ADCY4: variants seen among roughly 807,000 people sequenced by gnomAD.
The protein encoded by ADCY4 is adenylate cyclase type 4.
In ADCY4, 111 loss-of-function variants were observed where a neutral mutation model predicts 125.5. The ratio of observed to expected loss-of-function variants is 0.88; its 90% CI spans 0.76 to 1.04. The LOEUF is 1.04. ADCY4 is among the 50% of genes least tolerant of loss of function. ADCY4 has a pLI of 0.00. For missense variants in ADCY4, 1,256 were observed against 1,382.9 expected (o/e 0.91, Z 1.46); for synonymous variants, 576 against 586.9 (o/e 0.98, Z 0.27).
At chr14:24,321,406 C>A (rs146817861) in intron 20 of ADCY4, among the ~76,000 whole-genome samples, 36 of 150,026 alleles carry the variant, frequency 2.4e-4, no homozygotes, top group African/African-American at 8.6e-4. Flanking sequence ...GCCTGAGCGA[C>A]GAGAGTGAAA....
At position 24,325,994 on chromosome 14, in the gene ADCY4, C is replaced by T. The variant is rs374585052; in HGVS notation, c.1655+85G>A. ...GAGGGGGTGGTCAGGCGAGTCTTCC[C>T]TCCAGCCCCTCAGGGAGCACCATCC... On this transcript the variant is annotated intron_variant, in intron 12 of 24. Coordinates refer to ENST00000418030, the MANE Select transcript of ADCY4 (RefSeq NM_001198568.2). 7 of 1,583,314 alleles carry T rather than the reference C, an allele frequency of 4.4e-6. No individual in the cohort carries two copies. In the African/African-American group the frequency reaches 5.5e-5, roughly 12 times the overall value.
At chr14:24,323,121 T>A (rs1217413575) in intron 17 of ADCY4, 33 bp from the exon 18 acceptor site, 1 of 1,608,412 alleles carries the variant, frequency 6.2e-7, no homozygotes, top group East Asian at 2.2e-5. Flanking sequence ...GGAGTGGGCA[T>A]GTCCCATAGG....
intron 20 of ADCY4, among the ~76,000 whole-genome samples, chr14:24,320,870 T>A (rs949121104): frequency 3.9e-5 from 6 of 152,286 alleles, no homozygotes; most frequent in African/African-American, 1.4e-4. Flanking sequence ...AAATTTCATA[T>A]GGCTAATGGC....
chr14:24,325,000 G>A (rs1011147670), intron 14 of ADCY4, among the ~76,000 whole-genome samples: 5 of 152,186 alleles, frequency 3.3e-5, no homozygotes, highest in South Asian at 2.1e-4. Context: ...CATCACACCC[G>A]GCCACCTGGC....
intron 3 of ADCY4, 21 bp downstream of exon 3, chr14:24,332,501 C>G: frequency 6.4e-7 from 1 of 1,554,740 alleles, no homozygotes; most frequent in East Asian, 2.4e-5. Flanking sequence ...TGAGCGCAGC[C>G]TGTGCTACTT....
At position 24,323,556 on chromosome 14, in the gene ADCY4, C is replaced by T. The variant is rs545237134; in HGVS notation, c.2047-102G>A. On this transcript the variant is annotated intron_variant, in intron 16 of 24. Transcript: ENST00000418030. ...CCCAGGGATGAGTCAGGGGAAGACT[C>T]GTCCAAAGGGGTGGATCCTGCTATT... is the stretch of plus-strand genomic sequence containing the variant. 18 of 1,502,196 alleles carry T rather than the reference C, an allele frequency of 1.2e-5. 1 individual carries two copies. The African/African-American group carries it at 1.3e-4, about 10-fold the overall frequency. The allele number at this position is 1,502,196 out of a possible 1,614,324, so 93.1% of individuals were successfully genotyped here. A position where few individuals can be genotyped will look rare whatever the true frequency, so the allele number is the denominator to read the frequency against.
At chr14:24,325,559 T>C in intron 13 of ADCY4, 85 bp from the exon 14 acceptor site, 1 of 1,228,332 alleles carries the variant, frequency 8.1e-7, no homozygotes, top group East Asian at 2.5e-5. Flanking sequence ...AGGGGTGGGC[T>C]CCTCAGCCTC....
In ADCY4 at chr14:24,332,989, C is replaced by G; in HGVS notation, c.160-1G>C. Reference sequence around the variant, plus strand: ...GGAAGCTCGGGTCTGAGGTCAGCTCCTGTGGGCAGGGGTGTGTGAGGCAAG... The same window carrying G: ...GGAAGCTCGGGTCTGAGGTCAGCTCGTGTGGGCAGGGGTGTGTGAGGCAAG... On this transcript the variant is annotated splice_acceptor_variant, in intron 1 of 24. Transcript: ENST00000418030. LOFTEE classifies it high-confidence loss of function. The G allele has an allele frequency of 2.0e-6, 3 of 1,532,684 alleles. No individual in the cohort carries two copies. The highest frequency in any genetic ancestry group is 2.6e-6 in the Non-Finnish European group (3 of 1,138,098). 94.9% of individuals were successfully genotyped at this position (1,532,684 alleles called of 1,614,324 possible). A position where few individuals can be genotyped will look rare whatever the true frequency, so the allele number is the denominator to read the frequency against.
intron 17 of ADCY4, 98 bp downstream of exon 17, chr14:24,323,246 T>C: frequency 7.1e-7 from 1 of 1,409,932 alleles, no homozygotes; most frequent in East Asian, 2.5e-5. Context: ...ATGTCTGTTC[T>C]AATCCACAGA....
rs1450843827 is a variant in ADCY4, at chr14:24,326,233, C to T, written c.1568+66G>A. On this transcript the variant is annotated intron_variant, in intron 11 of 24. Transcript: ENST00000418030. ...AGCGTCTGGGCAAAGCAGGAGCAGA[C>T]CCCCAGGGAGGATGGAGGGGGTCAT... The T allele has an allele frequency of 7.4e-6, 12 of 1,613,480 alleles. No individual in the cohort carries two copies. In the East Asian group the frequency reaches 2.2e-4, roughly 30 times the overall value.
Position 24,332,915 on chromosome 14 carries a change from A to AG in ADCY4, c.232dup (p.Leu78ProfsTer182). 2 of 1,603,538 alleles carry AG rather than the reference A, an allele frequency of 1.2e-6. No individual in the cohort carries two copies. Among genetic ancestry groups the AG allele is most frequent in the Non-Finnish European group, 1.7e-6 (2 of 1,174,144 alleles). On this transcript the variant is annotated frameshift_variant, in exon 2 of 25. Transcript: ENST00000418030. LOFTEE classifies it high-confidence loss of function. ...CTGCAGTCGCTGCTCCCGGGAAGCG[A>AG]GGCCCAGCAGCAGCGAGAAGCCGCC...
chr14:24,332,428 G>T, intron 3 of ADCY4, 94 bp downstream of exon 3: 1 of 1,384,440 alleles, frequency 7.2e-7, no homozygotes, highest in Non-Finnish European at 9.7e-7. Flanking sequence ...GTTGCACCTT[G>T]ACTTGGAGTC....
chr14:24,334,212 C>A (rs767524021), intron 1 of ADCY4, among the ~76,000 whole-genome samples: 3 of 152,054 alleles, frequency 2.0e-5, no homozygotes, highest in Non-Finnish European at 2.9e-5. Context: ...ACTGGAAAAT[C>A]CGGTGATGGA....
rs879119820 is a variant in ADCY4, at chr14:24,334,835, C to T, written c.-183G>A. 1 of 582,402 alleles carries T rather than the reference C, an allele frequency of 1.7e-6. No homozygotes were observed. Among genetic ancestry groups the T allele is most frequent in the Non-Finnish European group, 3.0e-6 (1 of 332,698 alleles). 36.1% of individuals were successfully genotyped at this position (582,402 alleles called of 1,614,324 possible). ...TCCCTGCGGCCTCCCAGCCCGCTCC[C>T]AGCTGGCGATGAGGGGATCCCTCAG... is the stretch of plus-strand genomic sequence containing the variant. On this transcript the variant is annotated 5_prime_UTR_variant, in exon 1 of 25. Transcript: ENST00000418030.
chr14:24,331,479 C>T, intron 4 of ADCY4, 123 bp from the exon 5 acceptor site: 1 of 1,339,464 alleles, frequency 7.5e-7, no homozygotes, highest in South Asian at 1.4e-5. Context: ...TCCCCCAGGT[C>T]CTCCCGCTGC....
chr14:24,324,999 C>T (rs1433634261), intron 14 of ADCY4, among the ~76,000 whole-genome samples: 2 of 152,142 alleles, frequency 1.3e-5, no homozygotes, highest in African/African-American at 4.8e-5. Flanking sequence ...CCATCACACC[C>T]GGCCACCTGG....
intron 2 of ADCY4, 22 bp downstream of exon 2, chr14:24,332,769 C>A: frequency 6.5e-7 from 1 of 1,534,444 alleles, no homozygotes; most frequent in Non-Finnish European, 8.8e-7. Context: ...GTCCCCGCTG[C>A]CCCGCCTGCC....
intron 10 of ADCY4, 195 bp from the exon 11 acceptor site, chr14:24,326,537 A>G: frequency 1.6e-6 from 1 of 624,956 alleles, no homozygotes; most frequent in Non-Finnish European, 2.9e-6. Context: ...ATCTCCTTAA[A>G]GTTTCCCCCT....
intron 20 of ADCY4, among the ~76,000 whole-genome samples, chr14:24,320,405 T>C (rs570196038): frequency 8.5e-5 from 13 of 152,274 alleles, no homozygotes; most frequent in African/African-American, 3.1e-4. Context: ...TCCTATTTAG[T>C]CTTAGATTTT....
Sources: allele counts gnomAD v4.1 joint callset (sites outside exome capture counted in the v4.1 genomes callset), GRCh38; gene constraint gnomAD v4.1.1; transcripts MANE v1.5; gene names NCBI Gene and HGNC (gene_info 2026-07-23, HGNC 2026-07-21).